The following HCFC1 variants were observed in gnomAD, a reference collection of about 807,000 sequenced individuals.
The protein encoded by HCFC1 is host cell factor 1.
A neutral mutation model predicts 105.5 loss-of-function variants in HCFC1; 7 were observed. The ratio of observed to expected loss-of-function variants is 0.07; its 90% CI spans 0.04 to 0.12. The LOEUF is 0.12. Among genes scored for constraint, HCFC1 ranks in the 10% least tolerant of loss-of-function variants. HCFC1 has a pLI of 1.00. For synonymous variants in HCFC1, 918 were observed against 828.1 expected, an observed-to-expected ratio of 1.11 and a Z score of -1.86; for missense variants, 1,065 against 1,823.6, an observed-to-expected ratio of 0.58 and a Z score of 7.58.
chrX:153,953,801 G>A lies in HCFC1; in HGVS notation c.4334-31C>T, dbSNP rs1443782217. 4 of 1,172,015 alleles carry A rather than the reference G, an allele frequency of 3.4e-6. No individual in the cohort carries two copies. The East Asian group carries it at 1.2e-4, about 36-fold the overall frequency. On this transcript the variant is annotated intron_variant, in intron 17 of 25. Transcript: ENST00000310441. ...GGGGCGACAGGCAGGCGGCTGCTCAGCAGGAGCCCCCCCGGCCTGTACTTG... is the reference window on the plus strand; with the variant it reads ...GGGGCGACAGGCAGGCGGCTGCTCAACAGGAGCCCCCCCGGCCTGTACTTG...
intron 19 of HCFC1, 62 bp from the exon 20 acceptor site, chrX:153,952,220 G>A: frequency 1.8e-6 from 2 of 1,081,090 alleles, no homozygotes; most frequent in African/African-American, 1.9e-5. Context: ...GGGCAGCCCG[G>A]GCGGAGGCCC....
intron 8 of HCFC1, 138 bp from the exon 9 acceptor site, chrX:153,959,629 T>C (rs2065410297): frequency 4.2e-6 from 4 of 949,210 alleles, no homozygotes; most frequent in Non-Finnish European, 5.8e-6. Flanking sequence ...AGAGTGACCA[T>C]TTCCACAGGT....
At position 153,956,623 on chromosome X, in the gene HCFC1, A is replaced by ATATGTGAAAGG. The variant is rs1557115059; in HGVS notation, c.2635+1_2635+2insCCTTTCACATA. 1 of 1,210,177 alleles carries ATATGTGAAAGG rather than the reference A, an allele frequency of 8.3e-7. No homozygotes were observed. Among genetic ancestry groups the ATATGTGAAAGG allele is most frequent in the Non-Finnish European group, 1.1e-6 (1 of 895,156 alleles). ...CAGGGGACCTGGCCTATGGGTACAC[A>ATATGTGAAAGG]CCTGTGGTGCCTTTCACAACCAACG... is the stretch of plus-strand genomic sequence containing the variant. On this transcript the variant is annotated splice_donor_variant, in intron 15 of 25. Transcript: ENST00000310441. LOFTEE classifies it high-confidence loss of function.
Position 153,952,893 on chromosome X carries a change from C to A in HCFC1, c.4563G>T (p.Gln1521His), listed in dbSNP as rs1557113061. ...CCCCCATCAGGGCTGTGGAAGCCGACTGCAGAAGCTGCCGTGGCGGCAGCT... is the reference window on the plus strand; with the variant it reads ...CCCCCATCAGGGCTGTGGAAGCCGAATGCAGAAGCTGCCGTGGCGGCAGCT... Reference protein sequence around the residue: ...RQQLPPRQLLQSASTALMGES... With the variant: ...RQQLPPRQLLHSASTALMGES... Residue 1521 changes from glutamine (Q) to histidine (H), a missense_variant, in exon 19 of 26, where the codon CAG becomes CAT. Physicochemically the swap from Gln to His is conservative, Grantham distance 24. Around this residue, in one of 17 missense-constraint regions of HCFC1, gnomAD observed 546 missense variants for 599.9 expected, o/e 0.91. Coordinates refer to ENST00000310441, the MANE Select transcript of HCFC1 (RefSeq NM_005334.3). 1.7e-6 allele frequency: 2 copies of A among 1,181,497 alleles called. No individual in the cohort carries two copies. The highest frequency in any genetic ancestry group is 6.2e-5 in the East Asian group (2 of 32,035).
Position 153,949,272 on chromosome X carries a change from G to C in HCFC1, c.*75C>G. On this transcript the variant is annotated 3_prime_UTR_variant, in exon 26 of 26. Coordinates refer to ENST00000310441, the MANE Select transcript of HCFC1 (RefSeq NM_005334.3). Reference sequence around the variant, plus strand: ...GAAGTGCGAATGCTGGGACGGGGTGGGAGGGGTGGGCCCTGGCGGGTGTTC... The same window carrying C: ...GAAGTGCGAATGCTGGGACGGGGTGCGAGGGGTGGGCCCTGGCGGGTGTTC... The C allele has an allele frequency of 2.4e-6, 2 of 842,194 alleles. No individual in the cohort carries two copies. Among genetic ancestry groups the C allele is most frequent in the South Asian group, 2.1e-5 (1 of 46,674 alleles). 69.4% of individuals were successfully genotyped at this position (842,194 alleles called of 1,213,427 possible). A position where few individuals can be genotyped will look rare whatever the true frequency, so the allele number is the denominator to read the frequency against.
chrX:153,955,471 G>A lies in HCFC1; in HGVS notation c.2928C>T (p.Asp976=). ...GGGAGGCCAGAATGGACACAGGGAGGTCATGCACAGGCTGGGCCTCCACCC... is the reference window on the plus strand; with the variant it reads ...GGGAGGCCAGAATGGACACAGGGAGATCATGCACAGGCTGGGCCTCCACCC... ...PSGVEAQPVH[D]LPVSILASPT... Residue 976 remains aspartate (D), a synonymous_variant, in exon 17 of 26, where the codon GAC becomes GAT. Transcript: ENST00000310441. 1 of 1,198,932 alleles carries A rather than the reference G, an allele frequency of 8.3e-7. No homozygotes were observed. The highest frequency in any genetic ancestry group is 1.1e-6 in the Non-Finnish European group (1 of 888,242).
chrX:153,958,538 A>G lies in HCFC1; in HGVS notation c.1803+31T>C, dbSNP rs782129206. ...CGGAGGGAATGACTATGCTTGTTTG[A>G]CCACAGTGACAAGCCCCGGAAGACG... On this transcript the variant is annotated intron_variant, in intron 10 of 25. Transcript: ENST00000310441. The G allele has an allele frequency of 7.0e-6, 8 of 1,137,467 alleles. No individual in the cohort carries two copies. The African/African-American group carries it at 7.2e-5, about 10-fold the overall frequency. 93.7% of individuals were successfully genotyped at this position (1,137,467 alleles called of 1,213,427 possible).
chrX:153,954,229 G>A lies in HCFC1; in HGVS notation c.4170C>T (p.Gly1390=). The A allele has an allele frequency of 8.3e-7, 1 of 1,210,058 alleles. No individual in the cohort carries two copies. The highest frequency in any genetic ancestry group is 1.1e-6 in the Non-Finnish European group (1 of 894,846). Residue 1390 remains glycine, a synonymous_variant, in exon 17 of 26, where the codon GGC becomes GGT. Transcript: ENST00000310441. ...ATSSHRTVES[G]LEVAAAPSVT... ...CGCTGGGTGCCGCCGCCACCTCTAG[G>A]CCAGACTCCACGGTCCTGTGGGAAG...
Position 153,952,064 on chromosome X carries a change from G to GGCCTGGCCC in HCFC1, c.5028_5036dup (p.Gly1677_Ala1679dup). On this transcript the variant is annotated inframe_insertion, in exon 20 of 26. Coordinates refer to ENST00000310441, the MANE Select transcript of HCFC1 (RefSeq NM_005334.3). The stretch of plus-strand genomic sequence containing the variant: ...GTGTCAGCACAATGGGTATGGTGGT[G>GGCCTGGCCC]GCCTGGCCCTCCTGACCCTCGGCCG... 8.5e-7 allele frequency: 1 copy of GGCCTGGCCC among 1,180,478 alleles called. No individual in the cohort carries two copies. The highest frequency in any genetic ancestry group is 1.1e-6 in the Non-Finnish European group (1 of 880,679).
Position 153,950,520 on chromosome X carries a change from G to A in HCFC1, c.5727C>T (p.Thr1909=). The A allele has an allele frequency of 1.7e-6, 2 of 1,175,613 alleles. No individual in the cohort carries two copies. The highest frequency in any genetic ancestry group is 2.3e-6 in the Non-Finnish European group (2 of 875,183). Residue 1909 remains threonine (T), a synonymous_variant, in exon 24 of 26, where the codon ACC becomes ACT. Transcript: ENST00000310441. ...ISKSPDGAHL[T]WEPPSVTSGK... is the part of the protein sequence containing the mutation. ...CGGAGGTCACAGAGGGTGGCTCCCA[G>A]GTGAGGTGAGCACCATCCGGACTCT...
At chrX:153,965,118 C>T (rs2065462495) in intron 1 of HCFC1, among the ~76,000 whole-genome samples, 1 of 111,265 alleles carries the variant, frequency 9.0e-6, no homozygotes, top group Admixed American at 9.5e-5. Context: ...CCCTTCATCA[C>T]AGGGTCAGGA....
At chrX:153,951,161 G>A (rs370206832) in intron 22 of HCFC1, among the ~76,000 whole-genome samples, 163 bp from the exon 23 acceptor site, 7 of 112,146 alleles carry the variant, frequency 6.2e-5, no homozygotes. Context: ...ACTGTGGCCC[G>A]GTACTGGCGG....
rs782721750 is a variant in HCFC1, at chrX:153,952,906, C to T, written c.4550G>A (p.Arg1517Gln). ...SPGPRQQLPP[R>Q]QLLQSASTAL... ...TGTGGAAGCCGACTGCAGAAGCTGC[C>T]GTGGCGGCAGCTGCTGGCGAGGACC... The change falls in exon 19 of 26, where the codon CGG becomes CAG. Residue 1517 changes from arginine to glutamine, a missense_variant. Transcript: ENST00000310441. 4.2e-6 allele frequency: 5 copies of T among 1,181,010 alleles called. No individual in the cohort carries two copies. Among genetic ancestry groups the T allele is most frequent in the African/African-American group, 1.7e-5 (1 of 57,181 alleles).
chrX:153,964,465 C>T (rs1257134203), intron 2 of HCFC1, 113 bp downstream of exon 2: 5 of 954,095 alleles, frequency 5.2e-6, no homozygotes, highest in Non-Finnish European at 7.2e-6. Flanking sequence ...TCAGAGCAGC[C>T]TTGGCAGACT....
In HCFC1 at chrX:153,952,716, G is replaced by C; in HGVS notation, c.4740C>G (p.Ser1580=). The change falls in exon 19 of 26, where the codon TCC becomes TCG. Residue 1580 remains serine (S), a synonymous_variant. Coordinates refer to ENST00000310441, the MANE Select transcript of HCFC1 (RefSeq NM_005334.3). ...VVVQPPPPTQ[S]EVDQLSLPQE... The stretch of plus-strand genomic sequence containing the variant: ...GGGGAAGTGATAACTGGTCTACTTC[G>C]GACTGTGTGGGTGGGGGTGGCTGGA... 1 of 1,209,768 alleles carries C rather than the reference G, an allele frequency of 8.3e-7. No individual in the cohort carries two copies. Among genetic ancestry groups the C allele is most frequent in the Non-Finnish European group, 1.1e-6 (1 of 894,321 alleles).
In HCFC1 at chrX:153,956,174, C is replaced by T. The variant is rs1371543874; in HGVS notation, c.2856+17G>A. ...GTGGGGTCCCTCGCCCACACGTGGCCTCAGGCCCTGCCCTACCTGCATGGT... is the reference window on the plus strand; with the variant it reads ...GTGGGGTCCCTCGCCCACACGTGGCTTCAGGCCCTGCCCTACCTGCATGGT... On this transcript the variant is annotated intron_variant, in intron 16 of 25. Coordinates refer to ENST00000310441, the MANE Select transcript of HCFC1 (RefSeq NM_005334.3). 3 of 1,201,358 alleles carry T rather than the reference C, an allele frequency of 2.5e-6. No individual in the cohort carries two copies. In the Admixed American group the frequency reaches 6.5e-5, roughly 26 times the overall value.
chrX:153,962,427 C>T, intron 4 of HCFC1, 121 bp from the exon 5 acceptor site: 2 of 506,624 alleles, frequency 3.9e-6, no homozygotes, highest in South Asian at 5.9e-5. Flanking sequence ...TCCCTGGCTT[C>T]CCTATAGCCT....
In HCFC1 at chrX:153,950,352, G is replaced by A; in HGVS notation, c.5895C>T (p.Ser1965=). 8.3e-7 allele frequency: 1 copy of A among 1,210,831 alleles called. No individual in the cohort carries two copies. The highest frequency in any genetic ancestry group is 1.1e-6 in the Non-Finnish European group (1 of 895,052). Residue 1965 remains serine, a synonymous_variant, in exon 24 of 26, where the codon AGC becomes AGT. Coordinates refer to ENST00000310441, the MANE Select transcript of HCFC1 (RefSeq NM_005334.3). ...PSPSCLVQSS[S]LSNAHIDYTT... is the part of the protein sequence containing the mutation. The stretch of plus-strand genomic sequence containing the variant: ...TGTAGTCGATGTGGGCGTTGGAAAG[G>A]CTGGAGGACTGCACCAGGCAGGAGG...
rs1278643622 is a variant in HCFC1, at chrX:153,971,259, C to G, written c.-419G>C. ...AGCCCCGGCCCGGTTCCCACACCCC[C>G]AAGTCCCCAGCACTGGCCGGCTTCC... On this transcript the variant is annotated 5_prime_UTR_variant, in exon 1 of 26. Transcript: ENST00000310441. 7 of 307,122 alleles carry G rather than the reference C, an allele frequency of 2.3e-5. No homozygotes were observed. The highest frequency in any genetic ancestry group is 6.0e-5 in the Admixed American group (1 of 16,558). The allele number at this position is 307,122 out of a possible 1,213,427, so 25.3% of individuals were successfully genotyped here.
Sources: allele counts gnomAD v4.1 joint callset (sites outside exome capture counted in the v4.1 genomes callset), GRCh38; gene constraint gnomAD v4.1.1; regional missense constraint gnomAD v4.1.1; transcripts MANE v1.5; gene names NCBI Gene and HGNC (gene_info 2026-07-23, HGNC 2026-07-21).